CADM2: variants seen among roughly 807,000 people sequenced by gnomAD.
CADM2 encodes the protein immunoglobulin superfamily member 4D.
A neutral mutation model predicts 49.8 loss-of-function variants in CADM2; 12 were observed. That is an observed-to-expected ratio of 0.24 (90% confidence interval 0.15 to 0.39). The LOEUF (loss-of-function observed/expected upper bound fraction) is 0.39. Among genes scored for constraint, CADM2 ranks in the 10% least tolerant of loss-of-function variants. The pLI is 1.00. For missense variants in CADM2, 378 were observed against 492.3 expected (o/e 0.77, Z 2.20); for synonymous variants, 214 against 175.4 (o/e 1.22, Z -1.74).
intron 1 of CADM2, among the ~76,000 whole-genome samples, chr3:85,332,908 A>G (rs778122972): frequency 5.9e-5 from 9 of 151,954 alleles, no homozygotes; most frequent in Non-Finnish European, 1.3e-4. Context: ...TGTATGAATT[A>G]CAGGATGAAT....
chr3:85,834,904 AT>A (rs1225251352), intron 3 of CADM2, among the ~76,000 whole-genome samples: 1 of 151,634 alleles, frequency 6.6e-6, no homozygotes, highest in African/African-American at 2.4e-5. Context: ...GAACTCATAA[AT>A]GACACAGCTG....
chr3:85,477,362 GGA>G (rs1446089866), intron 1 of CADM2, among the ~76,000 whole-genome samples: 1 of 148,610 alleles, frequency 6.7e-6, no homozygotes, highest in African/African-American at 2.4e-5. Context: ...ACATATCCAA[GGA>G]GAGAGATTTA....
At chr3:85,876,466 A>G (rs1711852483) in intron 3 of CADM2, among the ~76,000 whole-genome samples, 1 of 152,142 alleles carries the variant, frequency 6.6e-6, no homozygotes, top group Non-Finnish European at 1.5e-5. Flanking sequence ...AAAAAAGTCC[A>G]AAAAGGTATA....
intron 6 of CADM2, among the ~76,000 whole-genome samples, chr3:85,926,802 C>T (rs1027014056): frequency 6.6e-6 from 1 of 152,058 alleles, no homozygotes; most frequent in African/African-American, 2.4e-5. Flanking sequence ...AGAGTGTACA[C>T]AATATGCAGA....
chr3:85,179,222 C>G (rs2040862486), intron 1 of CADM2, among the ~76,000 whole-genome samples: 1 of 151,850 alleles, frequency 6.6e-6, no homozygotes, highest in African/African-American at 2.4e-5. Flanking sequence ...TCAATTTATC[C>G]TAAAACCTGC....
chr3:85,386,266 A>G (rs1293733395), intron 1 of CADM2, among the ~76,000 whole-genome samples: 6 of 152,112 alleles, frequency 3.9e-5, no homozygotes, highest in Admixed American at 6.5e-5. Flanking sequence ...TAGTTGATAA[A>G]CCATTTATAA....
chr3:85,143,150 A>T (rs1378433713), intron 1 of CADM2, among the ~76,000 whole-genome samples: 1 of 152,164 alleles, frequency 6.6e-6, no homozygotes, highest in Non-Finnish European at 1.5e-5. Context: ...TTAGTATTAT[A>T]AAATGATTTT....
chr3:85,370,257 TAAA>T (rs2033125086), intron 1 of CADM2, among the ~76,000 whole-genome samples: 1 of 143,466 alleles, frequency 7.0e-6, no homozygotes, highest in South Asian at 2.2e-4. Context: ...ATAATAATAA[TAAA>T]ATTTTAAAAA....
chr3:86,012,627 G>T lies in CADM2; in HGVS notation c.970+50980G>T, dbSNP rs536679484. On this transcript the variant is annotated intron_variant, in intron 8 of 9. Transcript: ENST00000383699. Reference sequence around the variant, plus strand: ...ACGCAGTCCGACCTGGCCTTCTTCAGGTTCCCGCGGGACCCGGCCAGATGC... The same window carrying T: ...ACGCAGTCCGACCTGGCCTTCTTCATGTTCCCGCGGGACCCGGCCAGATGC... 14 of 1,575,028 alleles carry T rather than the reference G, an allele frequency of 8.9e-6. No homozygotes were observed. The South Asian group carries it at 1.2e-4, about 14-fold the overall frequency.
At position 85,384,663 on chromosome 3, in the gene CADM2, CA is replaced by C. The variant is rs879300044; in HGVS notation, c.62-341851del. Reference sequence around the variant, plus strand: ...TATTATTCTCTGTGTAATATTTTGTCAAAAAAAATGTGTGTGTGTGTGTGTG... The same window carrying C: ...TATTATTCTCTGTGTAATATTTTGTCAAAAAAATGTGTGTGTGTGTGTGTG... On this transcript the variant is annotated intron_variant, in intron 1 of 9. Coordinates refer to ENST00000383699, the MANE Select transcript of CADM2 (RefSeq NM_001167675.2). 5.6e-3 allele frequency among the ~76,000 whole-genome samples: 822 copies of C among 145,750 alleles called. 2 individuals are homozygous for C. The highest frequency in any genetic ancestry group is 0.01 in the Admixed American group (152 of 14,806).
intron 2 of CADM2, among the ~76,000 whole-genome samples, chr3:85,756,654 A>G (rs1417134216): frequency 6.6e-6 from 1 of 152,180 alleles, no homozygotes; most frequent in African/African-American, 2.4e-5. Flanking sequence ...ACCATATTAA[A>G]TATGTAACCT....
intron 1 of CADM2, among the ~76,000 whole-genome samples, chr3:85,696,606 C>T (rs574054403): frequency 1.3e-5 from 2 of 151,724 alleles, no homozygotes; most frequent in African/African-American, 4.8e-5. Context: ...TGTAGTTTTC[C>T]CCTTTGTTAG....
chr3:85,123,373 T>A (rs1442207843), intron 1 of CADM2, among the ~76,000 whole-genome samples: 1 of 152,168 alleles, frequency 6.6e-6, no homozygotes, highest in African/African-American at 2.4e-5. Flanking sequence ...TCATAAGATT[T>A]ATGTGTAAAA....
chr3:85,482,259 A>G (rs1233819014), intron 1 of CADM2, among the ~76,000 whole-genome samples: 1 of 151,742 alleles, frequency 6.6e-6, no homozygotes, highest in Admixed American at 6.6e-5. Flanking sequence ...TCCAGATGCA[A>G]AAACAGAAAT....
At chr3:85,880,058 C>T (rs1712509818) in intron 3 of CADM2, among the ~76,000 whole-genome samples, 1 of 152,152 alleles carries the variant, frequency 6.6e-6, no homozygotes, top group Non-Finnish European at 1.5e-5. Flanking sequence ...TTCTCTACCT[C>T]TATAATTTTG....
chr3:85,201,304 A>G (rs546227969), intron 1 of CADM2, among the ~76,000 whole-genome samples: 70 of 152,346 alleles, frequency 4.6e-4, no homozygotes, highest in Non-Finnish European at 7.4e-4. Flanking sequence ...TTATGCTTAC[A>G]CTATACTGTA....
Position 86,068,847 on chromosome 3 carries a change from C to T in CADM2, c.*2064C>T, listed in dbSNP as rs919012276. ...TGCATGCTTGTTTTTACAGTTCACT[C>T]CATACCATCTGTGGAAAAATGCAAT... On this transcript the variant is annotated 3_prime_UTR_variant, in exon 10 of 10. Coordinates refer to ENST00000383699, the MANE Select transcript of CADM2 (RefSeq NM_001167675.2). The T allele has an allele frequency of 2.0e-5, 3 of 152,392 alleles. No individual in the cohort carries two copies. Among genetic ancestry groups the T allele is most frequent in the African/African-American group, 4.8e-5 (2 of 41,534 alleles). The allele number at this position is 152,392 out of a possible 1,614,324, so 9.4% of individuals were successfully genotyped here.
chr3:86,063,701 A>G (rs1481473545), intron 8 of CADM2, among the ~76,000 whole-genome samples: 3 of 152,234 alleles, frequency 2.0e-5, no homozygotes, highest in African/African-American at 4.8e-5. Context: ...CAGCAGTTAC[A>G]TTAAAAATAC....
chr3:85,332,448 A>C (rs905212340), intron 1 of CADM2, among the ~76,000 whole-genome samples: 1 of 152,008 alleles, frequency 6.6e-6, no homozygotes, highest in African/African-American at 2.4e-5. Flanking sequence ...TCCTTGAAAA[A>C]TAGTGATGGC....
Sources: gnomAD v4.1 joint callset for allele counts (sites outside exome capture counted in the v4.1 genomes callset) on GRCh38, gnomAD v4.1.1 for gene constraint, MANE v1.5 for transcripts, NCBI Gene and HGNC (gene_info 2026-07-23, HGNC 2026-07-21) for gene names.